Variants in RORB observed in about 807,000 individuals in gnomAD.
The protein encoded by RORB is nuclear receptor ROR-beta.
In RORB, 6 loss-of-function variants were observed where a neutral mutation model predicts 59.1. That is an observed-to-expected ratio of 0.10 (90% CI 0.06 to 0.20). The LOEUF (loss-of-function observed/expected upper bound fraction) is 0.20. RORB is among the 10% of genes least tolerant of loss of function. The pLI, the probability that RORB is intolerant of heterozygous loss-of-function variation, is 1.00. For missense variants in RORB, 320 were observed against 560.5 expected (o/e 0.57, Z 4.33); for synonymous variants, 215 against 204.5 (o/e 1.05, Z -0.44).
intron 1 of RORB, among the ~76,000 whole-genome samples, chr9:74,595,245 A>C (rs956430066): frequency 1.2e-4 from 19 of 152,220 alleles, no homozygotes; most frequent in African/African-American, 4.6e-4. Flanking sequence ...TAGGACAGGC[A>C]GTAGAAAGTG....
At chr9:74,602,907 T>C (rs1823090399) in intron 1 of RORB, among the ~76,000 whole-genome samples, 3 of 152,194 alleles carry the variant, frequency 2.0e-5, no homozygotes, top group African/African-American at 7.2e-5. Context: ...TTTATAATGC[T>C]CTCCCAAAAT....
intron 1 of RORB, among the ~76,000 whole-genome samples, chr9:74,621,082 A>G (rs192046774): frequency 1.3e-5 from 2 of 152,358 alleles, no homozygotes. Flanking sequence ...GTTATTTTGC[A>G]TAAGTATGGC....
At chr9:74,640,459 A>G (rs970700650) in intron 3 of RORB, among the ~76,000 whole-genome samples, 4 of 122,324 alleles carry the variant, frequency 3.3e-5, no homozygotes, top group African/African-American at 1.1e-4. Flanking sequence ...GTGTGTGTGT[A>G]TTTTTAGTAG....
intron 1 of RORB, among the ~76,000 whole-genome samples, chr9:74,563,734 AG>A (rs1435560248): frequency 6.6e-6 from 1 of 152,210 alleles, no homozygotes; most frequent in East Asian, 1.9e-4. Context: ...CTAACAACAA[AG>A]GAAGTGGCTA....
chr9:74,674,100 G>A (rs986543356), intron 9 of RORB, among the ~76,000 whole-genome samples: 22 of 152,178 alleles, frequency 1.4e-4, no homozygotes, highest in African/African-American at 2.2e-4. Context: ...TTAACACTCC[G>A]GACAAATGTG....
intron 9 of RORB, among the ~76,000 whole-genome samples, 173 bp from the exon 10 acceptor site, chr9:74,685,290 G>C (rs930525041): frequency 6.6e-6 from 1 of 151,382 alleles, no homozygotes; most frequent in Non-Finnish European, 1.5e-5. Flanking sequence ...GGGTGGGTAC[G>C]TTTTATTTTG....
intron 1 of RORB, among the ~76,000 whole-genome samples, chr9:74,588,953 A>C (rs137931378): frequency 6.6e-6 from 1 of 151,986 alleles, no homozygotes; most frequent in East Asian, 1.9e-4. Context: ...AAAAAAAATA[A>C]GAGACCCAAA....
At chr9:74,526,912 T>C (rs749603384) in intron 1 of RORB, among the ~76,000 whole-genome samples, 2 of 151,918 alleles carry the variant, frequency 1.3e-5, no homozygotes, top group African/African-American at 4.8e-5. Flanking sequence ...TAGAGAGAGC[T>C]TGGAAGGGTT....
At chr9:74,561,031 A>G (rs1822389434) in intron 1 of RORB, among the ~76,000 whole-genome samples, 2 of 152,164 alleles carry the variant, frequency 1.3e-5, no homozygotes, top group Admixed American at 6.6e-5. Flanking sequence ...CAAATGAAAG[A>G]TGATGTTGCT....
chr9:74,623,926 AG>A (rs1823465847), intron 1 of RORB, among the ~76,000 whole-genome samples: 1 of 152,238 alleles, frequency 6.6e-6, no homozygotes, highest in South Asian at 2.1e-4. Flanking sequence ...TTTGTTTACA[AG>A]GGGAATATTT....
At position 74,623,198 on chromosome 9, in the gene RORB, A is replaced by G. The variant is rs74403965; in HGVS notation, c.8-7084A>G. ...TAACTGTTTCAAGAAAGCCTTTGTCAGTACTGAGTATCCAAGGAGCAAGCT... is the reference window on the plus strand; with the variant it reads ...TAACTGTTTCAAGAAAGCCTTTGTCGGTACTGAGTATCCAAGGAGCAAGCT... On this transcript the variant is annotated intron_variant, in intron 1 of 9. Coordinates refer to ENST00000376896, the MANE Select transcript of RORB (RefSeq NM_006914.4). Among the ~76,000 whole-genome samples the G allele has an allele frequency of 6.2e-3, 945 of 152,312 alleles. 14 individuals are homozygous for G. The highest frequency in any genetic ancestry group is 0.022 in the African/African-American group (908 of 41,574).
At chr9:74,650,667 T>C (rs997287541) in intron 4 of RORB, among the ~76,000 whole-genome samples, 3 of 152,228 alleles carry the variant, frequency 2.0e-5, no homozygotes, top group African/African-American at 7.2e-5. Context: ...ATTTGAGGCA[T>C]GTTTATGAGG....
intron 1 of RORB, among the ~76,000 whole-genome samples, chr9:74,514,506 C>T (rs1825982444): frequency 6.6e-6 from 1 of 151,964 alleles, no homozygotes; most frequent in Admixed American, 6.6e-5. Flanking sequence ...ACTTGACCGT[C>T]AAGTCCCTAA....
chr9:74,533,990 G>A (rs552264762), intron 1 of RORB, among the ~76,000 whole-genome samples: 1 of 152,050 alleles, frequency 6.6e-6, no homozygotes, highest in Non-Finnish European at 1.5e-5. Flanking sequence ...GATGGCCACT[G>A]TGGTATCAGG....
chr9:74,656,499 G>A (rs1320979053), intron 4 of RORB, among the ~76,000 whole-genome samples: 1 of 152,238 alleles, frequency 6.6e-6, no homozygotes, highest in African/African-American at 2.4e-5. Context: ...ACTTTGGGAA[G>A]CCAAGGTGGG....
intron 1 of RORB, among the ~76,000 whole-genome samples, chr9:74,606,192 TA>T (rs1294925527): frequency 6.6e-6 from 1 of 152,206 alleles, no homozygotes; most frequent in East Asian, 1.9e-4. Context: ...CAATCCATGC[TA>T]GCTATTACTA....
At chr9:74,654,528 TTC>T (rs1189609838) in intron 4 of RORB, among the ~76,000 whole-genome samples, 1 of 152,208 alleles carries the variant, frequency 6.6e-6, no homozygotes, top group Non-Finnish European at 1.5e-5. Flanking sequence ...AAAATTTAAT[TTC>T]TCTCTTCTTA....
At chr9:74,503,933 G>A (rs559219908) in intron 1 of RORB, among the ~76,000 whole-genome samples, 3 of 152,076 alleles carry the variant, frequency 2.0e-5, no homozygotes, top group South Asian at 2.1e-4. Flanking sequence ...GTGTTATAAC[G>A]GCATTTATAG....
intron 1 of RORB, among the ~76,000 whole-genome samples, chr9:74,578,699 C>T (rs1403823887): frequency 2.1e-4 from 32 of 151,966 alleles, no homozygotes; most frequent in Admixed American, 1.6e-3. Flanking sequence ...TTTAAGGATA[C>T]CTTATTAATA....
Sources: allele counts gnomAD v4.1 joint callset (sites outside exome capture counted in the v4.1 genomes callset), GRCh38; gene constraint gnomAD v4.1.1; transcripts MANE v1.5; gene names NCBI Gene and HGNC (gene_info 2026-07-23, HGNC 2026-07-21).